The following SLC6A5 variants were observed in gnomAD, a reference collection of about 807,000 sequenced individuals.
SLC6A5 encodes the protein solute carrier family 6 member 5.
A neutral mutation model predicts 90.5 loss-of-function variants in SLC6A5; 58 were observed. The observed-to-expected ratio is 0.64, with a 90% CI of 0.52 to 0.80. The LOEUF is 0.80. Ranked by LOEUF, SLC6A5 falls within the 30% of genes least tolerant of loss-of-function variation. The pLI is 0.00. For missense variants in SLC6A5, 1,015 were observed against 1,017.6 expected (o/e 1.00, Z 0.03); for synonymous variants, 427 against 401.4 (o/e 1.06, Z -0.76).
intron 14 of SLC6A5, among the ~76,000 whole-genome samples, chr11:20,648,585 C>A (rs1369287916): frequency 6.6e-6 from 1 of 152,166 alleles, no homozygotes; most frequent in Non-Finnish European, 1.5e-5. Flanking sequence ...TTTACCTAAT[C>A]GGTGGGAAGA....
At chr11:20,611,583 C>T (rs936506765) in intron 5 of SLC6A5, among the ~76,000 whole-genome samples, 1 of 152,190 alleles carries the variant, frequency 6.6e-6, no homozygotes, top group African/African-American at 2.4e-5. Flanking sequence ...AACCCTAGCT[C>T]CAAACTCTTT....
chr11:20,604,503 C>A, intron 3 of SLC6A5, 79 bp downstream of exon 3: 15 of 1,554,706 alleles, frequency 9.6e-6, no homozygotes, highest in Non-Finnish European at 1.3e-5. Context: ...AGCCCTCAGG[C>A]AGGGCCGCCG....
intron 10 of SLC6A5, among the ~76,000 whole-genome samples, chr11:20,634,807 G>T (rs1853173050): frequency 6.6e-6 from 1 of 152,148 alleles, no homozygotes. Context: ...AAAAAGTGCT[G>T]TTATGCTTGA....
chr11:20,621,737 A>C (rs934663868), intron 7 of SLC6A5, among the ~76,000 whole-genome samples: 3 of 152,212 alleles, frequency 2.0e-5, no homozygotes, highest in African/African-American at 7.2e-5. Context: ...TTTATGCAAA[A>C]GAGATGTCGT....
In SLC6A5 at chr11:20,607,069, G is replaced by A; in HGVS notation, c.742G>A (p.Glu248Lys). ...GGCTGGATTACCCATCTTCTTCTTG[G>A]AGGTGTCGCTGGGCCAGTTTGCCAG... ...ALAGLPIFFLEVSLGQFASQG... is the reference protein window; with the variant it reads ...ALAGLPIFFLKVSLGQFASQG... The change falls in exon 4 of 16, where the codon GAG becomes AAG. Residue 248 changes from glutamate to lysine, a missense_variant. Coordinates refer to ENST00000525748, the MANE Select transcript of SLC6A5 (RefSeq NM_004211.5). 4.3e-6 allele frequency: 7 copies of A among 1,613,974 alleles called. No individual in the cohort carries two copies. The highest frequency in any genetic ancestry group is 5.9e-6 in the Non-Finnish European group (7 of 1,180,008).
At chr11:20,612,443 C>T (rs1010823027) in intron 5 of SLC6A5, among the ~76,000 whole-genome samples, 1 of 152,198 alleles carries the variant, frequency 6.6e-6, no homozygotes, top group Non-Finnish European at 1.5e-5. Context: ...CCTGAACTCA[C>T]ATTCTTGCCC....
At position 20,615,211 on chromosome 11, in the gene SLC6A5, C is replaced by CT. The variant is rs143144116; in HGVS notation, c.1127+391_1127+392insT. Among the ~76,000 whole-genome samples, 4,031 of 152,042 alleles carry CT rather than the reference C, an allele frequency of 0.027. 421 individuals carry two copies. The East Asian group carries it at 0.35, about 13-fold the overall frequency. On this transcript the variant is annotated intron_variant, in intron 6 of 15. Transcript: ENST00000525748. ...GCTTTAGTGTAAATAAGAACAAATT[C>CT]ATTTTTTTTCCTTTTTTTATAGCTT...
intron 7 of SLC6A5, among the ~76,000 whole-genome samples, chr11:20,620,492 G>A (rs867606036): frequency 1.3e-5 from 2 of 152,208 alleles, no homozygotes; most frequent in South Asian, 4.1e-4. Context: ...CTCCTTTCAT[G>A]TTCATTATTC....
At chr11:20,622,786 C>T (rs1461238100) in intron 7 of SLC6A5, among the ~76,000 whole-genome samples, 4 of 77,392 alleles carry the variant, frequency 5.2e-5, no homozygotes, top group Non-Finnish European at 6.0e-5. Flanking sequence ...TCTCCGTCAC[C>T]TCTTCCATCC....
At chr11:20,625,691 C>T (rs1370681530) in intron 7 of SLC6A5, among the ~76,000 whole-genome samples, 1 of 152,132 alleles carries the variant, frequency 6.6e-6, no homozygotes, top group Non-Finnish European at 1.5e-5. Context: ...CTACTCTTAG[C>T]CTCAACTTTA....
intron 13 of SLC6A5, among the ~76,000 whole-genome samples, chr11:20,639,773 A>G (rs1028327435): frequency 7.9e-5 from 12 of 152,216 alleles, no homozygotes; most frequent in African/African-American, 2.9e-4. Context: ...AAACAGGATG[A>G]TACCTGCAGT....
chr11:20,611,028 T>G (rs922844229), intron 5 of SLC6A5, among the ~76,000 whole-genome samples: 1 of 152,214 alleles, frequency 6.6e-6, no homozygotes, highest in Non-Finnish European at 1.5e-5. Flanking sequence ...AAAAATTGAG[T>G]AACACTACGT....
intron 5 of SLC6A5, among the ~76,000 whole-genome samples, chr11:20,609,398 G>A (rs896948778): frequency 2.0e-5 from 3 of 151,820 alleles, no homozygotes; most frequent in Non-Finnish European, 4.4e-5. Context: ...TCTGTTCCTG[G>A]CGCCAGGCTA....
chr11:20,617,395 C>G (rs980662079), intron 6 of SLC6A5, among the ~76,000 whole-genome samples: 1 of 152,208 alleles, frequency 6.6e-6, no homozygotes, highest in African/African-American at 2.4e-5. Flanking sequence ...AGAAAACACA[C>G]AAAAATCACC....
intron 13 of SLC6A5, 23 bp from the exon 14 acceptor site, chr11:20,646,811 G>A: frequency 6.4e-7 from 1 of 1,551,522 alleles, no homozygotes. Context: ...CCTTATACCT[G>A]TTCTCTGCTT....
intron 13 of SLC6A5, among the ~76,000 whole-genome samples, chr11:20,642,611 G>C (rs924961881): frequency 5.9e-5 from 9 of 152,148 alleles, no homozygotes; most frequent in Non-Finnish European, 1.2e-4. Context: ...CATGCTCAAG[G>C]CTCCAAGAAC....
chr11:20,619,874 C>T (rs938340169), intron 7 of SLC6A5, among the ~76,000 whole-genome samples: 5 of 152,108 alleles, frequency 3.3e-5, no homozygotes, highest in Non-Finnish European at 7.4e-5. Flanking sequence ...AACCTGCTGG[C>T]TCTGAGTGAG....
At chr11:20,602,318 C>A (rs1477743866) in intron 2 of SLC6A5, among the ~76,000 whole-genome samples, 1 of 152,176 alleles carries the variant, frequency 6.6e-6, no homozygotes, top group Non-Finnish European at 1.5e-5. Flanking sequence ...TCAAGCCCCA[C>A]CAATCTTAAT....
At chr11:20,653,947 C>A (rs1853587150) in intron 15 of SLC6A5, among the ~76,000 whole-genome samples, 1 of 152,242 alleles carries the variant, frequency 6.6e-6, no homozygotes, top group Admixed American at 6.5e-5. Context: ...ATTAAACTAA[C>A]AGCTCTAAGT....
Sources: allele counts gnomAD v4.1 joint callset (sites outside exome capture counted in the v4.1 genomes callset), GRCh38; gene constraint gnomAD v4.1.1; transcripts MANE v1.5; gene names NCBI Gene and HGNC (gene_info 2026-07-23, HGNC 2026-07-21).